IRAG1: variants seen among roughly 807,000 people sequenced by gnomAD.
IRAG1 encodes IP3R-associated cGMP kinase substrate.
IRAG1 carries 62 observed loss-of-function variants against 106.2 expected under a neutral mutation model. The observed-to-expected ratio is 0.58, with a 90% CI of 0.48 to 0.72. IRAG1 has a LOEUF of 0.72. Ranked by LOEUF, IRAG1 falls within the 30% of genes least tolerant of loss-of-function variation. The pLI is 0.00. For synonymous variants in IRAG1, 462 were observed against 443.9 expected, an observed-to-expected ratio of 1.04 and a Z score of -0.51; for missense variants, 1,064 against 1,140.7, an observed-to-expected ratio of 0.93 and a Z score of 0.97.
chr11:10,677,154 C>A (rs1366586590), intron 1 of IRAG1, among the ~76,000 whole-genome samples: 1 of 152,162 alleles, frequency 6.6e-6, no homozygotes, highest in Non-Finnish European at 1.5e-5. Flanking sequence ...CCCATATTAA[C>A]CTCTTCCCCA....
At chr11:10,624,524 T>C (rs1364834515) in intron 9 of IRAG1, among the ~76,000 whole-genome samples, 1 of 151,802 alleles carries the variant, frequency 6.6e-6, no homozygotes, top group Non-Finnish European at 1.5e-5. Flanking sequence ...AGGACCTGAG[T>C]GGAGGCACCT....
chr11:10,667,960 G>A (rs1859913870), intron 1 of IRAG1, among the ~76,000 whole-genome samples: 1 of 152,216 alleles, frequency 6.6e-6, no homozygotes, highest in Non-Finnish European at 1.5e-5. Context: ...TTTCTGCTCT[G>A]AGACTGCCAA....
At position 10,626,409 on chromosome 11, in the gene IRAG1, C is replaced by A. The variant is rs201416441; in HGVS notation, c.925G>T (p.Val309Phe). Residue 309 changes from valine (V) to phenylalanine (F), a missense_variant, in exon 9 of 21, where the codon GTT (valine) becomes TTT (phenylalanine). Physicochemically the swap from Val to Phe is conservative, Grantham distance 50. Transcript: ENST00000423302. ...GCCATTTTCCCACTGCTGTTTGTAA[C>A]AGGAGCTAGGCCTTTGGGTGTGGTC... ...PETTPKGLAP[V>F]TNSSGKMALN... is the part of the protein sequence containing the mutation. 1.2e-6 allele frequency: 2 copies of A among 1,613,836 alleles called. No individual in the cohort carries two copies. Among genetic ancestry groups the A allele is most frequent in the African/African-American group, 2.7e-5 (2 of 74,938 alleles).
chr11:10,591,665 G>A (rs1852687685), intron 17 of IRAG1, 53 bp from the exon 18 acceptor site: 15 of 1,466,612 alleles, frequency 1.0e-5, no homozygotes, highest in Non-Finnish European at 1.4e-5. Flanking sequence ...GAAGGAAGAA[G>A]CCAGAGCTGC....
intron 10 of IRAG1, chr11:10,611,750 G>A (rs149286504): frequency 2.2e-4 from 34 of 152,308 alleles, no homozygotes; most frequent in African/African-American, 7.9e-4. Context: ...CTGAAAGGAA[G>A]ATGGGAGAGA....
intron 3 of IRAG1, among the ~76,000 whole-genome samples, chr11:10,632,912 T>C (rs1856812179): frequency 6.6e-6 from 1 of 152,184 alleles, no homozygotes; most frequent in Non-Finnish European, 1.5e-5. Context: ...ATTCCAGCAC[T>C]TTCCTCCCCA....
At position 10,609,690 on chromosome 11, in the gene IRAG1, C is replaced by T. The variant is rs374451226; in HGVS notation, c.1571+38G>A. On this transcript the variant is annotated intron_variant, in intron 11 of 20. Transcript: ENST00000423302. ...CCTAGAATCCAACACAGGGGCCACT[C>T]GGTACAGGGCCTTCTGTAACCCACA... The T allele has an allele frequency of 5.4e-5, 86 of 1,602,188 alleles. 2 individuals carry two copies. In the East Asian group the frequency reaches 1.1e-3, roughly 20 times the overall value.
chr11:10,654,464 G>T (rs1293417105), intron 1 of IRAG1, among the ~76,000 whole-genome samples: 2 of 152,172 alleles, frequency 1.3e-5, no homozygotes, highest in Non-Finnish European at 2.9e-5. Context: ...AACAGTTAGG[G>T]TGACCCCTAC....
chr11:10,652,856 C>G (rs1858632751), intron 1 of IRAG1, among the ~76,000 whole-genome samples: 1 of 152,126 alleles, frequency 6.6e-6, no homozygotes, highest in Non-Finnish European at 1.5e-5. Context: ...TTGAGTTCAG[C>G]CCTTATGGGG....
At chr11:10,666,238 C>T (rs1589946552) in intron 1 of IRAG1, among the ~76,000 whole-genome samples, 1 of 152,358 alleles carries the variant, frequency 6.6e-6, no homozygotes, top group East Asian at 1.9e-4. Flanking sequence ...TGACTCTTTA[C>T]ATCCTTTATC....
At chr11:10,608,946 G>A (rs1004765803) in intron 11 of IRAG1, among the ~76,000 whole-genome samples, 2 of 152,118 alleles carry the variant, frequency 1.3e-5, no homozygotes, top group African/African-American at 4.8e-5. Context: ...GTCTTATAGT[G>A]TTCTCTCTGA....
chr11:10,600,751 A>C (rs1853905608), intron 15 of IRAG1, among the ~76,000 whole-genome samples, 167 bp downstream of exon 15: 1 of 152,236 alleles, frequency 6.6e-6, no homozygotes, highest in Non-Finnish European at 1.5e-5. Context: ...CTGCCCTGCC[A>C]GGCCCACTGA....
At chr11:10,593,811 C>G in intron 16 of IRAG1, 1 of 579,022 alleles carries the variant, frequency 1.7e-6, no homozygotes, top group South Asian at 2.1e-5. Context: ...TCAATCTGTT[C>G]TATTTTAGCT....
chr11:10,593,469 G>A (rs1335687185), intron 17 of IRAG1, 23 bp downstream of exon 17: 5 of 1,591,992 alleles, frequency 3.1e-6, no homozygotes, highest in Non-Finnish European at 3.4e-6. Flanking sequence ...TCTGTGCTGG[G>A]AGGCAGACAT....
rs1850694048 is a variant in IRAG1 at position 10,573,716 on chromosome 11, T to C, written c.*2616A>G. 1.3e-5 allele frequency: 2 copies of C among 152,216 alleles called. No homozygotes were observed. The highest frequency in any genetic ancestry group is 1.3e-4 in the Admixed American group (2 of 15,284). 9.4% of individuals were successfully genotyped at this position (152,216 alleles called of 1,614,324 possible). Reference sequence around the variant, plus strand: ...CTCTCCATAACTGCCTTCCTGGCCTTTGACTCATCCAGAAACAAAGGTAGG... The same window carrying C: ...CTCTCCATAACTGCCTTCCTGGCCTCTGACTCATCCAGAAACAAAGGTAGG... On this transcript the variant is annotated 3_prime_UTR_variant, in exon 21 of 21. Transcript: ENST00000423302.
Position 10,645,156 on chromosome 11 carries a change from T to A in IRAG1, c.225+6869A>T, listed in dbSNP as rs190445927. On this transcript the variant is annotated intron_variant, in intron 2 of 20. Coordinates refer to ENST00000423302, the MANE Select transcript of IRAG1 (RefSeq NM_130385.4). ...ATTTATTGAGCAAATTCAATAAACATTGACTGAGTAAATGTACTTCAATTC... is the reference window on the plus strand; with the variant it reads ...ATTTATTGAGCAAATTCAATAAACAATGACTGAGTAAATGTACTTCAATTC... 6.7e-3 allele frequency among the ~76,000 whole-genome samples: 1,018 copies of A among 152,330 alleles called. 7 individuals are homozygous for A. Among genetic ancestry groups the A allele is most frequent in the Middle Eastern group, 0.014 (4 of 294 alleles).
intron 2 of IRAG1, 57 bp downstream of exon 2, chr11:10,651,968 A>C (rs1430855481): frequency 6.7e-7 from 1 of 1,502,016 alleles, no homozygotes; most frequent in Non-Finnish European, 8.9e-7. Context: ...GCCTCAGCCC[A>C]GGGTGCTTGG....
At chr11:10,617,196 G>A (rs1025370153) in intron 10 of IRAG1, 38 of 985,158 alleles carry the variant, frequency 3.9e-5, no homozygotes, top group Non-Finnish European at 4.3e-5. Context: ...CCTTCTAGAC[G>A]TTGCCACCTG....
In IRAG1 at chr11:10,604,470, T is replaced by G. The variant is rs1192231343; in HGVS notation, c.1678A>C (p.Arg560=). 5 of 1,614,064 alleles carry G rather than the reference T, an allele frequency of 3.1e-6. No homozygotes were observed. Among genetic ancestry groups the G allele is most frequent in the South Asian group, 1.1e-5 (1 of 91,082 alleles). ...TTCTCCTCTGTCAGGTTGCGTTCCCTTTCAGCCTGGTTAATTCTAGATTCC... is the reference window on the plus strand; with the variant it reads ...TTCTCCTCTGTCAGGTTGCGTTCCCGTTCAGCCTGGTTAATTCTAGATTCC... ...TLESRINQAE[R]ERNLTEENTE... is the part of the protein sequence containing the mutation. The change falls in exon 13 of 21, where the codon AGG becomes CGG. Residue 560 remains arginine, a synonymous_variant. Coordinates refer to ENST00000423302, the MANE Select transcript of IRAG1 (RefSeq NM_130385.4).
Sources: gnomAD v4.1 joint callset for allele counts (sites outside exome capture counted in the v4.1 genomes callset) on GRCh38, gnomAD v4.1.1 for gene constraint, MANE v1.5 for transcripts, NCBI Gene and HGNC (gene_info 2026-07-23, HGNC 2026-07-21) for gene names.